Variants in EMC1 observed in about 807,000 individuals in gnomAD.
EMC1 encodes the protein ER membrane protein complex subunit 1.
EMC1 carries 103 observed loss-of-function variants against 128.8 expected under a neutral mutation model. The ratio of observed to expected loss-of-function variants is 0.80; its 90% CI spans 0.68 to 0.94. The LOEUF is 0.94. Ranked by LOEUF, EMC1 falls within the 40% of genes least tolerant of loss-of-function variation. The probability of loss-of-function intolerance (pLI) is 0.00; values close to 1 mark genes in which losing one functional copy is unlikely to be tolerated. For synonymous variants in EMC1, 442 were observed against 490.4 expected (o/e 0.90, Z 1.30); for missense variants, 1,083 against 1,250.6 (o/e 0.87, Z 2.02).
At chr1:19,250,717 T>C (rs1427530743) in intron 1 of EMC1, among the ~76,000 whole-genome samples, 4 of 152,334 alleles carry the variant, frequency 2.6e-5, no homozygotes, top group East Asian at 1.9e-4. Context: ...TCACAAGTAC[T>C]GTAAGAGATA....
chr1:19,228,523 C>A (rs553573314), intron 17 of EMC1, among the ~76,000 whole-genome samples: 1 of 152,250 alleles, frequency 6.6e-6, no homozygotes, highest in Admixed American at 6.5e-5. Context: ...GCAAAGGGCA[C>A]AAGGGCCTTC....
In EMC1 at chr1:19,222,708, G is replaced by A. The variant is rs200262244; in HGVS notation, c.2503C>T (p.Gln835Ter). ...GAGGACGGGAAGATATAGGACTGCT[G>A]GAGGACCTGGGGCAGCTGGGGGCGG... ...LDRPQLPQVL[Q>*]QSYIFPSSIS... Residue 835 changes from glutamine to a stop codon, truncating the protein, a stop_gained, in exon 20 of 23, where the codon CAG becomes TAG. Coordinates refer to ENST00000477853, the MANE Select transcript of EMC1 (RefSeq NM_015047.3). LOFTEE classifies it high-confidence loss of function. 1.2e-5 allele frequency: 19 copies of A among 1,614,204 alleles called. No individual in the cohort carries two copies. The highest frequency in any genetic ancestry group is 1.4e-5 in the Non-Finnish European group (17 of 1,180,032).
At position 19,222,478 on chromosome 1, in the gene EMC1, T is replaced by A. The variant is rs999847981; in HGVS notation, c.2587+146A>T. 5.2e-5 allele frequency: 35 copies of A among 673,372 alleles called. No homozygotes were observed. The South Asian group carries it at 6.3e-4, about 12-fold the overall frequency. 41.7% of individuals were successfully genotyped at this position (673,372 alleles called of 1,614,324 possible). A position where few individuals can be genotyped will look rare whatever the true frequency, so the allele number is the denominator to read the frequency against. ...AGGTGGCAAAGATGAACTAAGAAACTTTTTCCACCGATATATAGCCCTCCT... is the reference window on the plus strand; with the variant it reads ...AGGTGGCAAAGATGAACTAAGAAACATTTTCCACCGATATATAGCCCTCCT... On this transcript the variant is annotated intron_variant, in intron 20 of 22. Coordinates refer to ENST00000477853, the MANE Select transcript of EMC1 (RefSeq NM_015047.3).
At chr1:19,243,490 G>A in intron 4 of EMC1, 124 bp downstream of exon 4, 1 of 823,266 alleles carries the variant, frequency 1.2e-6, no homozygotes, top group Non-Finnish European at 2.1e-6. Flanking sequence ...GGTACTCAAT[G>A]TCAATGGCTG....
At chr1:19,245,278 T>C (rs2093626635) in intron 1 of EMC1, among the ~76,000 whole-genome samples, 1 of 152,122 alleles carries the variant, frequency 6.6e-6, no homozygotes, top group East Asian at 1.9e-4. Flanking sequence ...TCTGTCTCTA[T>C]GAAAAATACA....
At chr1:19,236,358 T>C (rs2151953543) in intron 12 of EMC1, among the ~76,000 whole-genome samples, 1 of 149,986 alleles carries the variant, frequency 6.7e-6, no homozygotes, top group South Asian at 2.1e-4. Context: ...AAACTCTGTC[T>C]CAAAAAAGAA....
In EMC1 at chr1:19,240,871, A is replaced by T. The variant is rs1324558397; in HGVS notation, c.636+145T>A. 2 of 909,428 alleles carry T rather than the reference A, an allele frequency of 2.2e-6. 1 individual carries two copies. The highest frequency in any genetic ancestry group is 4.8e-5 in the East Asian group (2 of 41,336). 56.3% of individuals were successfully genotyped at this position (909,428 alleles called of 1,614,324 possible). A position where few individuals can be genotyped will look rare whatever the true frequency, so the allele number is the denominator to read the frequency against. ...GTACTTTAAATAGAGGCCTAATGGG[A>T]AGGCAGCTGGCAAGTGACCAGAATG... On this transcript the variant is annotated intron_variant, in intron 6 of 22. Coordinates refer to ENST00000477853, the MANE Select transcript of EMC1 (RefSeq NM_015047.3).
At chr1:19,237,879 G>T in intron 11 of EMC1, 138 bp downstream of exon 11, 1 of 1,103,852 alleles carries the variant, frequency 9.1e-7, no homozygotes, top group Non-Finnish European at 1.3e-6. Flanking sequence ...CTTCTAACAA[G>T]TCAGTGGCTC....
chr1:19,240,022 C>G, intron 7 of EMC1, 37 bp from the exon 8 acceptor site: 2 of 1,582,048 alleles, frequency 1.3e-6, no homozygotes, highest in Non-Finnish European at 1.7e-6. Context: ...TGGCTAACAG[C>G]TGACGACTCC....
chr1:19,244,841 G>C (rs781497963), intron 2 of EMC1, 65 bp downstream of exon 2: 519 of 1,584,258 alleles, frequency 3.3e-4, no homozygotes, highest in Non-Finnish European at 4.2e-4. Flanking sequence ...CAGCCAGGCA[G>C]AGTTGGCAAT....
At chr1:19,230,164 C>T (rs1467156928) in intron 17 of EMC1, among the ~76,000 whole-genome samples, 3 of 152,150 alleles carry the variant, frequency 2.0e-5, no homozygotes, top group Non-Finnish European at 4.4e-5. Flanking sequence ...GCACACATTC[C>T]ATCACGAGTT....
At chr1:19,249,172 G>A (rs2093645429) in intron 1 of EMC1, among the ~76,000 whole-genome samples, 1 of 152,048 alleles carries the variant, frequency 6.6e-6, no homozygotes, top group Non-Finnish European at 1.5e-5. Flanking sequence ...TATTATTGAA[G>A]AAATTTTATA....
intron 9 of EMC1, 107 bp from the exon 10 acceptor site, chr1:19,238,964 C>G: frequency 1.2e-6 from 1 of 859,122 alleles, no homozygotes; most frequent in Non-Finnish European, 2.0e-6. Context: ...GAAGACAAAG[C>G]TCATTTCTCA....
intron 20 of EMC1, chr1:19,221,066 C>T (rs2093427552): frequency 7.8e-6 from 3 of 382,426 alleles, no homozygotes; most frequent in Non-Finnish European, 9.4e-6. Context: ...TTCTGAGACA[C>T]CAGAAAATAA....
At chr1:19,239,774 G>T in intron 8 of EMC1, 44 bp downstream of exon 8, 1 of 1,596,784 alleles carries the variant, frequency 6.3e-7, no homozygotes, top group South Asian at 1.1e-5. Flanking sequence ...CCATGTCTTG[G>T]AGAGATCTCC....
chr1:19,248,776 G>T (rs766758214), intron 1 of EMC1, among the ~76,000 whole-genome samples: 2 of 152,156 alleles, frequency 1.3e-5, no homozygotes, highest in Non-Finnish European at 2.9e-5. Flanking sequence ...CTCCCAAAGT[G>T]CTAGGATTAC....
intron 18 of EMC1, 114 bp downstream of exon 18, chr1:19,227,199 A>T: frequency 8.6e-7 from 1 of 1,165,298 alleles, no homozygotes; most frequent in South Asian, 1.4e-5. Context: ...GCTCAAAGGG[A>T]TTAAATGACT....
At chr1:19,240,190 C>T (rs1329399613) in intron 7 of EMC1, 107 bp downstream of exon 7, 4 of 1,432,952 alleles carry the variant, frequency 2.8e-6, no homozygotes, top group African/African-American at 1.4e-5. Context: ...ATGGCTTCCA[C>T]TGCTCAGGAA....
In EMC1 at chr1:19,238,046, G is replaced by GGCT. The variant is rs758815632; in HGVS notation, c.1180_1182dup (p.Ser394dup). ...TCAGGCCGAGTGCCGCTCTGTTCCA[G>GGCT]GCTAAATGTTATCGTGGTGTCCAGC... is the stretch of plus-strand genomic sequence containing the variant. On this transcript the variant is annotated inframe_insertion, in exon 11 of 23. Transcript: ENST00000477853. The GGCT allele has an allele frequency of 8.1e-6, 13 of 1,614,050 alleles. No individual in the cohort carries two copies. The Admixed American group carries it at 2.2e-4, about 27-fold the overall frequency.
Sources: gnomAD v4.1 joint callset for allele counts (sites outside exome capture counted in the v4.1 genomes callset) on GRCh38, gnomAD v4.1.1 for gene constraint, MANE v1.5 for transcripts, NCBI Gene and HGNC (gene_info 2026-07-23, HGNC 2026-07-21) for gene names.